The following UBAC2 variants were observed in gnomAD, a reference collection of about 807,000 sequenced individuals.
UBAC2 encodes ubiquitin-associated domain-containing protein 2.
Under a neutral mutation model 44.0 loss-of-function variants are expected in UBAC2, and 26 were observed. The observed-to-expected ratio is 0.59, with a 90% CI of 0.43 to 0.82. UBAC2 has a LOEUF of 0.82. Ranked by LOEUF, UBAC2 falls within the 40% of genes least tolerant of loss-of-function variation. The pLI, the probability that UBAC2 is intolerant of heterozygous loss-of-function variation, is 0.00. For missense variants in UBAC2, 329 were observed against 419.4 expected, an observed-to-expected ratio of 0.78 and a Z score of 1.88; for synonymous variants, 155 against 154.3, an observed-to-expected ratio of 1.00 and a Z score of -0.04.
In UBAC2 at chr13:99,385,415, C is replaced by G. The variant is rs1047144074; in HGVS notation, c.*80C>G. The stretch of plus-strand genomic sequence containing the variant: ...CCCACCATCAGATCAGCCCGGGGAC[C>G]GAGCATCTCTGGTGCTGATGTTCTT... On this transcript the variant is annotated 3_prime_UTR_variant, in exon 9 of 9. Transcript: ENST00000403766. 13 of 1,159,590 alleles carry G rather than the reference C, an allele frequency of 1.1e-5. No homozygotes were observed. Among genetic ancestry groups the G allele is most frequent in the Non-Finnish European group, 1.7e-5 (13 of 782,802 alleles). 71.8% of individuals were successfully genotyped at this position (1,159,590 alleles called of 1,614,324 possible). A position where few individuals can be genotyped will look rare whatever the true frequency, so the allele number is the denominator to read the frequency against.
chr13:99,356,668 A>G (rs1188429922), intron 7 of UBAC2, among the ~76,000 whole-genome samples: 1 of 152,230 alleles, frequency 6.6e-6, no homozygotes, highest in Non-Finnish European at 1.5e-5. Flanking sequence ...ACTGCTAAGC[A>G]GCACAGAAAG....
intron 7 of UBAC2, among the ~76,000 whole-genome samples, chr13:99,355,769 G>A (rs868106181): frequency 5.6e-4 from 85 of 152,272 alleles, no homozygotes; most frequent in African/African-American, 1.8e-3. Flanking sequence ...GGTGCCACAA[G>A]CCCCCCCGCA....
chr13:99,332,094 G>A (rs2044722902), intron 6 of UBAC2, among the ~76,000 whole-genome samples: 1 of 152,046 alleles, frequency 6.6e-6, no homozygotes, highest in African/African-American at 2.4e-5. Flanking sequence ...TTGTCCTGTT[G>A]TCCCAGTAGA....
rs2045612266 is a variant in UBAC2 at position 99,385,772 on chromosome 13, T to G, written c.*437T>G. 1 of 164,232 alleles carries G rather than the reference T, an allele frequency of 6.1e-6. No homozygotes were observed. Among genetic ancestry groups the G allele is most frequent in the South Asian group, 1.7e-4 (1 of 6,032 alleles). 10.2% of individuals were successfully genotyped at this position (164,232 alleles called of 1,614,324 possible). A position where few individuals can be genotyped will look rare whatever the true frequency, so the allele number is the denominator to read the frequency against. ...GATCCTTCTTCATGGACTTTTTTAG[T>G]TACTGTTTTTTCTCTCAAACTTGTT... On this transcript the variant is annotated 3_prime_UTR_variant, in exon 9 of 9. Transcript: ENST00000403766.
chr13:99,377,500 T>A (rs978440654), intron 8 of UBAC2: 3 of 149,170 alleles, frequency 2.0e-5, no homozygotes, highest in Non-Finnish European at 4.4e-5. Flanking sequence ...AGGGTTTCAG[T>A]GTGAGTTAAT....
intron 8 of UBAC2, among the ~76,000 whole-genome samples, chr13:99,368,821 C>T (rs948998578): frequency 2.0e-5 from 3 of 151,970 alleles, no homozygotes; most frequent in East Asian, 1.9e-4. Flanking sequence ...TCTAAACACT[C>T]CTCCCCACTA....
chr13:99,240,409 TTGTTA>T (rs2043286151), intron 2 of UBAC2, among the ~76,000 whole-genome samples: 1 of 152,232 alleles, frequency 6.6e-6, no homozygotes, highest in Admixed American at 6.5e-5. Context: ...GAAATGCAGT[TTGTTA>T]TATCTTAGTA....
At chr13:99,383,683 C>T (rs2045580360) in intron 8 of UBAC2, among the ~76,000 whole-genome samples, 1 of 152,268 alleles carries the variant, frequency 6.6e-6, no homozygotes. Context: ...GGAGCACGCT[C>T]ACTGCGTGCA....
chr13:99,320,233 T>C (rs1166933972), intron 6 of UBAC2, among the ~76,000 whole-genome samples: 1 of 152,212 alleles, frequency 6.6e-6, no homozygotes, highest in Non-Finnish European at 1.5e-5. Flanking sequence ...CATCTCTTTA[T>C]AGTCTTTTTA....
At chr13:99,291,536 G>C (rs1785138239) in intron 4 of UBAC2, among the ~76,000 whole-genome samples, 1 of 152,216 alleles carries the variant, frequency 6.6e-6, no homozygotes, top group Non-Finnish European at 1.5e-5. Flanking sequence ...TAAGATCAGT[G>C]CTTCCCCTTC....
chr13:99,215,606 G>A (rs552918481), intron 1 of UBAC2: 33 of 1,319,396 alleles, frequency 2.5e-5, no homozygotes, highest in African/African-American at 4.3e-5. Context: ...TGTACACAGC[G>A]GCAGTTGCAC....
chr13:99,242,464 C>T (rs1201673378), intron 2 of UBAC2, among the ~76,000 whole-genome samples: 4 of 144,458 alleles, frequency 2.8e-5, no homozygotes, highest in African/African-American at 7.7e-5. Context: ...GGGCTGACCC[C>T]CCCACCTCCC....
chr13:99,233,111 GTTTC>G (rs1219909571), intron 1 of UBAC2, among the ~76,000 whole-genome samples: 2 of 150,838 alleles, frequency 1.3e-5, no homozygotes, highest in South Asian at 2.1e-4. Flanking sequence ...CCCAGATTTG[GTTTC>G]TTTTTTTTTT....
At chr13:99,336,593 G>C (rs1425577012) in intron 6 of UBAC2, among the ~76,000 whole-genome samples, 3 of 151,944 alleles carry the variant, frequency 2.0e-5, no homozygotes, top group African/African-American at 7.3e-5. Flanking sequence ...CTGAATACCA[G>C]GTGCCCTTAC....
At chr13:99,216,004 G>A (rs1018553963) in intron 1 of UBAC2, among the ~76,000 whole-genome samples, 1 of 152,050 alleles carries the variant, frequency 6.6e-6, no homozygotes, top group Non-Finnish European at 1.5e-5. Flanking sequence ...ACTTTGTTTT[G>A]TTATAGGTTG....
At chr13:99,218,412 C>T (rs1001702568) in intron 1 of UBAC2, among the ~76,000 whole-genome samples, 2 of 152,068 alleles carry the variant, frequency 1.3e-5, no homozygotes, top group African/African-American at 4.8e-5. Context: ...CTCTTTCCTC[C>T]CCTCTAATTC....
chr13:99,379,318 A>G (rs1302342354), intron 8 of UBAC2, among the ~76,000 whole-genome samples: 1 of 152,258 alleles, frequency 6.6e-6, no homozygotes, highest in Non-Finnish European at 1.5e-5. Context: ...AAACCAAAAC[A>G]GTGATGTTCC....
intron 4 of UBAC2, among the ~76,000 whole-genome samples, chr13:99,297,504 A>G (rs544434823): frequency 1.3e-5 from 2 of 152,260 alleles, no homozygotes; most frequent in Admixed American, 6.5e-5. Flanking sequence ...TCATTCTAAC[A>G]ACCTTAAAAC....
In UBAC2 at chr13:99,292,869, G is replaced by A. The variant is rs118142402; in HGVS notation, c.390-21228G>A. Among the ~76,000 whole-genome samples, 974 of 152,230 alleles carry A rather than the reference G, an allele frequency of 6.4e-3. 24 individuals carry two copies. The East Asian group carries it at 0.083, about 13-fold the overall frequency. The stretch of plus-strand genomic sequence containing the variant: ...TAGGGTTGTGATTTTCAAACAGTAT[G>A]TTATATAATAAAGTCATGTTCTGTA... On this transcript the variant is annotated intron_variant, in intron 4 of 8. Transcript: ENST00000403766.
Sources: allele counts gnomAD v4.1 joint callset (sites outside exome capture counted in the v4.1 genomes callset), GRCh38; gene constraint gnomAD v4.1.1; transcripts MANE v1.5; gene names NCBI Gene and HGNC (gene_info 2026-07-23, HGNC 2026-07-21).